The following TRIM35 variants were observed in gnomAD, a reference collection of about 807,000 sequenced individuals.
The protein encoded by TRIM35 is tripartite motif containing 35, also known as E3 ubiquitin-protein ligase TRIM35.
In TRIM35, 37 loss-of-function variants were observed where a neutral mutation model predicts 49.1. That is an observed-to-expected ratio of 0.75 (90% CI 0.58 to 0.99). TRIM35 has a LOEUF of 0.99. TRIM35 is among the 50% of genes least tolerant of loss of function. The pLI, the probability that TRIM35 is intolerant of heterozygous loss-of-function variation, is 0.00. For synonymous variants in TRIM35, 302 were observed against 289.3 expected, an observed-to-expected ratio of 1.04 and a Z score of -0.45; for missense variants, 648 against 702.7, an observed-to-expected ratio of 0.92 and a Z score of 0.88.
Position 27,286,434 on chromosome 8 carries a change from T to C in TRIM35, c.*1116A>G. ...CTTCCCAACTGAAAAGGGTGCCCTC[T>C]TTCCTTCTTTTCTGCAGACGCTGAT... is the stretch of plus-strand genomic sequence containing the variant. On this transcript the variant is annotated 3_prime_UTR_variant, in exon 6 of 6. Transcript: ENST00000305364. 1 of 274,826 alleles carries C rather than the reference T, an allele frequency of 3.6e-6. No individual in the cohort carries two copies. The highest frequency in any genetic ancestry group is 7.3e-6 in the Non-Finnish European group (1 of 137,582). The allele number at this position is 274,826 out of a possible 1,614,324, so 17.0% of individuals were successfully genotyped here.
intron 1 of TRIM35, among the ~76,000 whole-genome samples, chr8:27,301,445 T>C (rs1291448831): frequency 6.6e-6 from 1 of 152,240 alleles, no homozygotes; most frequent in Non-Finnish European, 1.5e-5. Context: ...AAAGCAGTGG[T>C]ACCAATTTTT....
At chr8:27,309,230 T>A (rs1407957289) in intron 1 of TRIM35, among the ~76,000 whole-genome samples, 1 of 152,186 alleles carries the variant, frequency 6.6e-6, no homozygotes, top group East Asian at 1.9e-4. Flanking sequence ...CAAATAGGCA[T>A]CAGTCATGAC....
intron 3 of TRIM35, among the ~76,000 whole-genome samples, chr8:27,293,300 T>G (rs937188327): frequency 6.6e-6 from 1 of 151,878 alleles, no homozygotes; most frequent in Non-Finnish European, 1.5e-5. Context: ...GAAATTTCCC[T>G]GTAGGAAATT....
chr8:27,298,569 G>A lies in TRIM35; in HGVS notation c.436-10C>T. 6.2e-7 allele frequency: 1 copy of A among 1,612,290 alleles called. No homozygotes were observed. The highest frequency in any genetic ancestry group is 8.5e-7 in the Non-Finnish European group (1 of 1,178,288). On this transcript the variant is annotated splice_polypyrimidine_tract_variant and intron_variant, in intron 1 of 5. Transcript: ENST00000305364. The stretch of plus-strand genomic sequence containing the variant: ...TGTTCCTGCACTTGGCCTGACATGG[G>A]AATGAGAGAGAGGGAGGAAGACAGG...
At chr8:27,310,081 A>G (rs1047338219) in intron 1 of TRIM35, among the ~76,000 whole-genome samples, 1 of 152,190 alleles carries the variant, frequency 6.6e-6, no homozygotes, top group Non-Finnish European at 1.5e-5. Flanking sequence ...GTTCTGGGTC[A>G]CAAGGGAAAA....
intron 1 of TRIM35, among the ~76,000 whole-genome samples, chr8:27,309,196 CTCCTGA>C (rs942884571): frequency 7.2e-5 from 11 of 152,318 alleles, no homozygotes; most frequent in African/African-American, 2.6e-4. Context: ...ACCCCAGCAT[CTCCTGA>C]TCAGCACCTC....
chr8:27,290,317 C>A, intron 3 of TRIM35, 139 bp from the exon 4 acceptor site: 1 of 828,106 alleles, frequency 1.2e-6, no homozygotes, highest in Non-Finnish European at 1.9e-6. Flanking sequence ...AACATCCCTG[C>A]TATGATTTGA....
chr8:27,290,360 T>C (rs1586043556), intron 3 of TRIM35, among the ~76,000 whole-genome samples, 182 bp from the exon 4 acceptor site: 1 of 152,322 alleles, frequency 6.6e-6, no homozygotes, highest in East Asian at 1.9e-4. Flanking sequence ...TGTTGAACAC[T>C]GAATCCCCAA....
At chr8:27,306,086 C>T (rs955964348) in intron 1 of TRIM35, among the ~76,000 whole-genome samples, 2 of 152,124 alleles carry the variant, frequency 1.3e-5, no homozygotes, top group African/African-American at 4.8e-5. Flanking sequence ...ACTGGGATTA[C>T]AGGCATGAAA....
At chr8:27,300,048 G>T (rs140059570) in intron 1 of TRIM35, among the ~76,000 whole-genome samples, 1 of 152,344 alleles carries the variant, frequency 6.6e-6, no homozygotes, top group Non-Finnish European at 1.5e-5. Context: ...TGCTCACTGG[G>T]ATGGTAGCCA....
intron 2 of TRIM35, among the ~76,000 whole-genome samples, chr8:27,294,979 C>G (rs1802536643): frequency 6.6e-6 from 1 of 152,126 alleles, no homozygotes; most frequent in Admixed American, 6.5e-5. Flanking sequence ...CACGCCACCA[C>G]GCCCAGCTAA....
chr8:27,307,200 G>A (rs2130318870), intron 1 of TRIM35, among the ~76,000 whole-genome samples: 1 of 152,156 alleles, frequency 6.6e-6, no homozygotes, highest in South Asian at 2.1e-4. Context: ...CTTCCATCAT[G>A]CGCCACTGCA....
chr8:27,306,255 C>T (rs538268637), intron 1 of TRIM35, among the ~76,000 whole-genome samples: 11 of 152,220 alleles, frequency 7.2e-5, no homozygotes, highest in African/African-American at 1.9e-4. Flanking sequence ...CTCCAAGCCA[C>T]GACATAAACA....
intron 2 of TRIM35, among the ~76,000 whole-genome samples, chr8:27,297,044 G>A (rs1041981315): frequency 6.6e-6 from 1 of 152,158 alleles, no homozygotes; most frequent in Non-Finnish European, 1.5e-5. Flanking sequence ...ATTTGCTGGG[G>A]AACTGGGCTT....
At chr8:27,292,002 T>C (rs1361243927) in intron 3 of TRIM35, among the ~76,000 whole-genome samples, 1 of 152,184 alleles carries the variant, frequency 6.6e-6, no homozygotes, top group Non-Finnish European at 1.5e-5. Flanking sequence ...ACTGTTGCAT[T>C]GGGGATTAAG....
At position 27,294,249 on chromosome 8, in the gene TRIM35, A is replaced by C. The variant is rs1447365519; in HGVS notation, c.593T>G (p.Leu198Trp). 6.2e-7 allele frequency: 1 copy of C among 1,614,120 alleles called. No individual in the cohort carries two copies. Among genetic ancestry groups the C allele is most frequent in the South Asian group, 1.1e-5 (1 of 91,082 alleles). ...CAGAATGGCCTGCTCCTCCACTCTC[A>C]AGAACTCGCGAAGCTTATCAAACTC... ...RQEFDKLREF[L>W]RVEEQAILDA... The change falls in exon 3 of 6, where the codon TTG becomes TGG. Residue 198 changes from leucine to tryptophan, a missense_variant. By Grantham distance (61) the Leu-to-Trp change is moderately conservative. Transcript: ENST00000305364.
chr8:27,308,135 A>G (rs975903438), intron 1 of TRIM35, among the ~76,000 whole-genome samples: 5 of 152,306 alleles, frequency 3.3e-5, no homozygotes, highest in African/African-American at 1.2e-4. Context: ...GGAGCCTCCA[A>G]AAGGAATGTA....
chr8:27,289,073 G>A (rs1802398070), intron 5 of TRIM35, 89 bp downstream of exon 5: 1 of 1,020,342 alleles, frequency 9.8e-7, no homozygotes, highest in Non-Finnish European at 1.5e-6. Flanking sequence ...GGTGGGAGGT[G>A]GGCCCGGCAG....
At chr8:27,307,653 C>T (rs930465591) in intron 1 of TRIM35, among the ~76,000 whole-genome samples, 5 of 152,316 alleles carry the variant, frequency 3.3e-5, no homozygotes, top group Admixed American at 2.0e-4. Context: ...CCCTAACACA[C>T]AGTCAGCTGC....
Sources: allele counts gnomAD v4.1 joint callset (sites outside exome capture counted in the v4.1 genomes callset), GRCh38; gene constraint gnomAD v4.1.1; transcripts MANE v1.5; gene names NCBI Gene and HGNC (gene_info 2026-07-23, HGNC 2026-07-21).